RNF150: variants seen among roughly 807,000 people sequenced by gnomAD.
RNF150 encodes ring finger protein 150.
RNF150 carries 24 observed loss-of-function variants against 39.3 expected under a neutral mutation model. The ratio of observed to expected loss-of-function variants is 0.61; its 90% CI spans 0.44 to 0.86. The LOEUF is 0.86. Ranked by LOEUF, RNF150 falls within the 40% of genes least tolerant of loss-of-function variation. The pLI is 0.00. For synonymous variants in RNF150, 255 were observed against 227.3 expected, an observed-to-expected ratio of 1.12 and a Z score of -1.10; for missense variants, 502 against 587.8, an observed-to-expected ratio of 0.85 and a Z score of 1.51.
Position 141,132,457 on chromosome 4 carries a change from T to C in RNF150, c.352A>G (p.Ile118Val). The C allele has an allele frequency of 6.2e-7, 1 of 1,610,670 alleles. No homozygotes were observed. Among genetic ancestry groups the C allele is most frequent in the Non-Finnish European group, 8.5e-7 (1 of 1,178,930 alleles). Residue 118 changes from isoleucine (I) to valine (V), a missense_variant, in exon 1 of 7, where the codon ATA (isoleucine) becomes GTA (valine). Transcript: ENST00000515673. The surrounding 1 kb of genome is among the most constrained non-coding windows in gnomAD (Gnocchi z 4.9). ...FAAPTRGKNW[I>V]ALIPKGNCTY... ...CAGTTGCCCTTGGGGATGAGGGCTA[T>C]CCAGTTCTTGCCGCGGGTCGGGGCG... is the stretch of plus-strand genomic sequence containing the variant.
At chr4:140,911,460 T>C in intron 5 of RNF150, 106 bp from the exon 6 acceptor site, 1 of 882,936 alleles carries the variant, frequency 1.1e-6, no homozygotes. Context: ...AGTTCTTTAT[T>C]GTTTACTTCT....
chr4:141,144,144 A>G (rs1305776867), intron 1 of RNF150, among the ~76,000 whole-genome samples: 1 of 152,170 alleles, frequency 6.6e-6, no homozygotes, highest in Admixed American at 6.5e-5. Context: ...CAAAACTTTT[A>G]GTGAGGGAAA....
chr4:140,887,619 CTACTGCTTG>C (rs1282341088), intron 6 of RNF150, among the ~76,000 whole-genome samples: 3 of 152,156 alleles, frequency 2.0e-5, no homozygotes, highest in Non-Finnish European at 4.4e-5. Flanking sequence ...AGCCTTATCC[CTACTGCTTG>C]TACAAGTGTC....
At chr4:141,092,284 G>T (rs1738612557) in intron 1 of RNF150, among the ~76,000 whole-genome samples, 1 of 151,898 alleles carries the variant, frequency 6.6e-6, no homozygotes, top group Non-Finnish European at 1.5e-5. Context: ...CAGAGGTTGT[G>T]GTGAGCTGAG....
chr4:141,172,584 C>G (rs900862012), intron 1 of RNF150, among the ~76,000 whole-genome samples: 1 of 152,196 alleles, frequency 6.6e-6, no homozygotes, highest in Non-Finnish European at 1.5e-5. Context: ...TATGACTCAG[C>G]TGTACCCATA....
At chr4:141,067,352 G>A (rs112534454) in intron 1 of RNF150, among the ~76,000 whole-genome samples, 1 of 152,292 alleles carries the variant, frequency 6.6e-6, no homozygotes, top group African/African-American at 2.4e-5. Context: ...CAAATCAGCA[G>A]GAAAAGAAGT....
chr4:140,919,720 C>T (rs2111300968), intron 5 of RNF150, among the ~76,000 whole-genome samples: 1 of 152,088 alleles, frequency 6.6e-6, no homozygotes, highest in East Asian at 1.9e-4. Context: ...AAAGAGCCCG[C>T]ATTGCCAAGC....
rs1235420258 is a variant in RNF150 at position 140,861,257 on chromosome 4, T to C, written c.*7004A>G. The C allele has an allele frequency of 6.6e-6, 1 of 152,192 alleles. No individual in the cohort carries two copies. The highest frequency in any genetic ancestry group is 2.4e-5 in the African/African-American group (1 of 41,442). The allele number at this position is 152,192 out of a possible 1,614,324, so 9.4% of individuals were successfully genotyped here. A position where few individuals can be genotyped will look rare whatever the true frequency, so the allele number is the denominator to read the frequency against. On this transcript the variant is annotated 3_prime_UTR_variant, in exon 7 of 7. Transcript: ENST00000515673. Reference sequence around the variant, plus strand: ...TGAGATAACTTACAAAAACAAGCAGTCCCTTGCTTATAACTGCACAAACAT... The same window carrying C: ...TGAGATAACTTACAAAAACAAGCAGCCCCTTGCTTATAACTGCACAAACAT...
intron 1 of RNF150, among the ~76,000 whole-genome samples, chr4:141,171,108 G>C (rs1241451341): frequency 6.6e-6 from 1 of 152,194 alleles, no homozygotes; most frequent in Non-Finnish European, 1.5e-5. Context: ...TATATACACA[G>C]TCTGTTTAGA....
intron 1 of RNF150, among the ~76,000 whole-genome samples, chr4:141,156,856 A>G (rs13133189): frequency 0.55 from 83,918 of 151,468 alleles, 23,837 homozygotes; most frequent in East Asian, 0.81. Context: ...GCAGTGAGCC[A>G]AGATTGCACC....
At chr4:141,115,577 T>C (rs551093204) in intron 1 of RNF150, among the ~76,000 whole-genome samples, 1 of 152,264 alleles carries the variant, frequency 6.6e-6, no homozygotes. Context: ...AGTAATTTAT[T>C]GATTCAAAGC....
intron 1 of RNF150, among the ~76,000 whole-genome samples, chr4:141,117,585 A>G (rs760386977): frequency 6.6e-6 from 1 of 152,226 alleles, no homozygotes; most frequent in African/African-American, 2.4e-5. Context: ...AGAACACTCT[A>G]CAATGTTCAT....
chr4:141,117,911 T>G (rs1726479869), intron 1 of RNF150, among the ~76,000 whole-genome samples: 1 of 152,228 alleles, frequency 6.6e-6, no homozygotes, highest in African/African-American at 2.4e-5. Context: ...AAAGGTGATT[T>G]GTAGAAAGAA....
chr4:140,939,609 TGTGTGTGTG>T, intron 4 of RNF150, among the ~76,000 whole-genome samples: 1 of 944 alleles, frequency 1.1e-3, no homozygotes, highest in South Asian at 7.6e-3. Context: ...GTGGAGTTTG[TGTGTGTGTG>T]TGTGTGTGTG....
chr4:140,917,267 C>T (rs1730873307), intron 5 of RNF150, among the ~76,000 whole-genome samples: 1 of 152,092 alleles, frequency 6.6e-6, no homozygotes, highest in Non-Finnish European at 1.5e-5. Context: ...GAGTCAAGAC[C>T]CATCAGCGTG....
chr4:141,034,088 T>G (rs546290359), intron 1 of RNF150, among the ~76,000 whole-genome samples: 1 of 152,328 alleles, frequency 6.6e-6, no homozygotes, highest in African/African-American at 2.4e-5. Context: ...TGGCACTTTC[T>G]TCCAGTGTAA....
Position 141,132,132 on chromosome 4 carries a change from CA to C in RNF150, c.484+192del, listed in dbSNP as rs1450737397. Reference sequence around the variant, plus strand: ...GCTCTCCGGCAGCCTCTCCCCTACCCAATACAGTTAATCTTCTCCTCTTTGT... The same window carrying C: ...GCTCTCCGGCAGCCTCTCCCCTACCCATACAGTTAATCTTCTCCTCTTTGT... On this transcript the variant is annotated intron_variant, in intron 1 of 6. Coordinates refer to ENST00000515673, the MANE Select transcript of RNF150 (RefSeq NM_020724.2). The surrounding 1 kb of genome is among the most constrained non-coding windows in gnomAD (Gnocchi z 4.9). 2.6e-5 allele frequency among the ~76,000 whole-genome samples: 4 copies of C among 152,230 alleles called. No homozygotes were observed. Among genetic ancestry groups the C allele is most frequent in the Non-Finnish European group, 5.9e-5 (4 of 68,044 alleles).
intron 4 of RNF150, among the ~76,000 whole-genome samples, chr4:140,946,706 A>G (rs1284659732): frequency 6.6e-6 from 1 of 152,040 alleles, no homozygotes; most frequent in Non-Finnish European, 1.5e-5. Flanking sequence ...GAGTCTTGCT[A>G]TATTGCCCAG....
chr4:141,206,535 A>G (rs1400236379), intron 1 of RNF150, among the ~76,000 whole-genome samples: 1 of 152,092 alleles, frequency 6.6e-6, no homozygotes, highest in Non-Finnish European at 1.5e-5. Context: ...ATTTAAGAAA[A>G]TATAACAAAT....
Sources: gnomAD v4.1 joint callset for allele counts (sites outside exome capture counted in the v4.1 genomes callset) on GRCh38, gnomAD v4.1.1 for gene constraint, Gnocchi (gnomAD v3.1) non-coding constraint, MANE v1.5 for transcripts, NCBI Gene and HGNC (gene_info 2026-07-23, HGNC 2026-07-21) for gene names.